The following CWC22 variants were observed in gnomAD, a reference collection of about 807,000 sequenced individuals.
CWC22 encodes pre-mRNA-splicing factor CWC22 homolog.
A neutral mutation model predicts 117.2 loss-of-function variants in CWC22; 53 were observed. The observed-to-expected ratio is 0.45, with a 90% CI of 0.36 to 0.57. The LOEUF is 0.57. Ranked by LOEUF, CWC22 falls within the 20% of genes least tolerant of loss-of-function variation. The pLI is 0.00. For missense variants in CWC22, 980 were observed against 1,068.8 expected (o/e 0.92, Z 1.16); for synonymous variants, 360 against 355.6 (o/e 1.01, Z -0.14).
intron 1 of CWC22, among the ~76,000 whole-genome samples, chr2:180,001,656 T>TA (rs760882346): frequency 6.6e-5 from 10 of 152,190 alleles, no homozygotes; most frequent in Non-Finnish European, 1.5e-4. Flanking sequence ...TAACCTCTCC[T>TA]ACCCACTGTA....
chr2:180,004,985 T>G (rs1687936076), intron 1 of CWC22, among the ~76,000 whole-genome samples: 1 of 148,490 alleles, frequency 6.7e-6, no homozygotes, highest in South Asian at 2.1e-4. Flanking sequence ...GCAGAAGTTC[T>G]CAAACTAATT....
At position 179,984,935 on chromosome 2, in the gene CWC22, T is replaced by C. The variant is rs184223730; in HGVS notation, c.206+1760A>G. 6.2e-3 allele frequency among the ~76,000 whole-genome samples: 937 copies of C among 152,196 alleles called. 5 individuals carry two copies. The highest frequency in any genetic ancestry group is 7.9e-3 in the Non-Finnish European group (537 of 67,916). ...CCGCTTATCACTACTCAAACTGATA[T>C]GCTCAAGAAACTAATATTTTAAAGT... On this transcript the variant is annotated intron_variant, in intron 4 of 19. Coordinates refer to ENST00000410053, the MANE Select transcript of CWC22 (RefSeq NM_020943.3).
At chr2:179,948,397 ATT>A (rs56968981) in intron 19 of CWC22, among the ~76,000 whole-genome samples, 3 of 147,648 alleles carry the variant, frequency 2.0e-5, no homozygotes, top group South Asian at 4.3e-4. Context: ...CCATTAGGTG[ATT>A]TTTTAACCAT....
At position 179,978,331 on chromosome 2, in the gene CWC22, G is replaced by C. The variant is rs549435757; in HGVS notation, c.453-13C>G. On this transcript the variant is annotated splice_polypyrimidine_tract_variant and intron_variant, in intron 5 of 19. Transcript: ENST00000410053. ...CTGGTATGCTAAGCTAAAAAGAAGT[G>C]ATTTTAATAAAGATTAAAACTTAAT... The C allele has an allele frequency of 1.4e-6, 2 of 1,445,630 alleles. No individual in the cohort carries two copies. The highest frequency in any genetic ancestry group is 1.5e-5 in the African/African-American group (1 of 68,008). The allele number at this position is 1,445,630 out of a possible 1,614,324, so 89.6% of individuals were successfully genotyped here.
intron 11 of CWC22, 60 bp downstream of exon 11, chr2:179,970,441 G>C (rs1190453995): frequency 2.2e-6 from 3 of 1,381,350 alleles, no homozygotes; most frequent in African/African-American, 1.5e-5. Context: ...TCAGTATTAC[G>C]TAACTACTTA....
At chr2:179,977,704 T>C (rs954197289) in intron 6 of CWC22, among the ~76,000 whole-genome samples, 1 of 152,112 alleles carries the variant, frequency 6.6e-6, no homozygotes, top group Admixed American at 6.5e-5. Context: ...GAAAACAGAG[T>C]AGATTTTTAA....
chr2:179,953,077 A>ATT (rs765937225), intron 16 of CWC22, among the ~76,000 whole-genome samples: 7 of 152,118 alleles, frequency 4.6e-5, no homozygotes, highest in Non-Finnish European at 1.0e-4. Flanking sequence ...CTAAAGAAAT[A>ATT]TTTTTAGGGA....
chr2:179,996,861 A>G (rs1687716431), intron 1 of CWC22, among the ~76,000 whole-genome samples: 1 of 122,988 alleles, frequency 8.1e-6, no homozygotes, highest in Non-Finnish European at 1.8e-5. Context: ...GAATTCCAGC[A>G]AAAACAATCT....
chr2:179,970,256 G>GT (rs1384517685), intron 11 of CWC22, among the ~76,000 whole-genome samples: 2 of 152,128 alleles, frequency 1.3e-5, no homozygotes, highest in East Asian at 1.9e-4. Context: ...TGGGTGAGAC[G>GT]TAAGTGTTGC....
intron 16 of CWC22, among the ~76,000 whole-genome samples, chr2:179,953,808 C>T (rs1686515831): frequency 6.6e-6 from 1 of 152,024 alleles, no homozygotes; most frequent in Admixed American, 6.6e-5. Context: ...AACAAGAGAA[C>T]CATGGAGAGT....
intron 16 of CWC22, among the ~76,000 whole-genome samples, chr2:179,953,540 T>C (rs928120807): frequency 2.0e-5 from 3 of 152,102 alleles, no homozygotes; most frequent in Non-Finnish European, 2.9e-5. Context: ...CCATGTATAA[T>C]TCACTCTGAA....
chr2:179,981,988 G>A lies in CWC22; in HGVS notation c.216C>T (p.Asp72=). ...TTTCTCTTTCTCTGCGTTTTTCTCG[G>A]TCCCTGTTTCTGTAATATAAATTTT... ...YDSSMESRNR[D]REKRRERERD... The change falls in exon 5 of 20, where the codon GAC becomes GAT. Residue 72 remains aspartate, a synonymous_variant. Transcript: ENST00000410053. The A allele has an allele frequency of 1.3e-6, 2 of 1,527,264 alleles. No homozygotes were observed. The highest frequency in any genetic ancestry group is 8.9e-7 in the Non-Finnish European group (1 of 1,126,792). The allele number at this position is 1,527,264 out of a possible 1,614,324, so 94.6% of individuals were successfully genotyped here.
intron 3 of CWC22, among the ~76,000 whole-genome samples, chr2:179,988,084 A>C (rs1378045064): frequency 6.6e-6 from 1 of 152,224 alleles, no homozygotes; most frequent in East Asian, 1.9e-4. Context: ...TGAGAATGGA[A>C]TGCCACAGGT....
intron 12 of CWC22, 79 bp downstream of exon 12, chr2:179,965,799 G>T: frequency 1.7e-6 from 2 of 1,179,530 alleles, no homozygotes; most frequent in Non-Finnish European, 1.2e-6. Context: ...CAAAGATTGA[G>T]AACTATTGTT....
chr2:179,964,874 T>G (rs1488374411), intron 12 of CWC22, among the ~76,000 whole-genome samples: 2 of 152,186 alleles, frequency 1.3e-5, no homozygotes, highest in African/African-American at 4.8e-5. Context: ...TGTTTATCTG[T>G]TATCTGCTCA....
chr2:179,952,408 T>C (rs1429477938), intron 17 of CWC22, 63 bp downstream of exon 17: 3 of 1,290,892 alleles, frequency 2.3e-6, no homozygotes, highest in East Asian at 2.7e-5. Context: ...TGGGCTTATG[T>C]CTGCTACAAT....
intron 15 of CWC22, among the ~76,000 whole-genome samples, chr2:179,954,667 T>C (rs576528821): frequency 6.6e-6 from 1 of 152,212 alleles, no homozygotes; most frequent in East Asian, 1.9e-4. Context: ...CTTTAGACAC[T>C]GCTTTGAGAT....
intron 14 of CWC22, 69 bp downstream of exon 14, chr2:179,958,953 C>A: frequency 1.2e-6 from 1 of 863,284 alleles, no homozygotes; most frequent in Non-Finnish European, 1.9e-6. Context: ...ACAAAACTTA[C>A]CCATTAACAG....
intron 19 of CWC22, among the ~76,000 whole-genome samples, chr2:179,949,411 A>G (rs1686392524): frequency 6.6e-6 from 1 of 152,228 alleles, no homozygotes; most frequent in Non-Finnish European, 1.5e-5. Flanking sequence ...AATGGCCAAT[A>G]ATGGATAAAA....
Sources: gnomAD v4.1 joint callset for allele counts (sites outside exome capture counted in the v4.1 genomes callset) on GRCh38, gnomAD v4.1.1 for gene constraint, MANE v1.5 for transcripts, NCBI Gene and HGNC (gene_info 2026-07-23, HGNC 2026-07-21) for gene names.